Variants in PRH1 observed in about 807,000 individuals in gnomAD.
PRH1 encodes proline rich protein HaeIII subfamily 1.
A neutral mutation model predicts 7.9 loss-of-function variants in PRH1; 7 were observed. That is an observed-to-expected ratio of 0.89 (90% CI 0.50 to 1.67). The LOEUF is 1.67. Among genes scored for constraint, PRH1 ranks in the 40% most tolerant of loss-of-function variants. The pLI, the probability that PRH1 is intolerant of heterozygous loss-of-function variation, is 0.00. For synonymous variants in PRH1, 45 were observed against 80.8 expected (o/e 0.56, Z 2.38); for missense variants, 109 against 223.6 (o/e 0.49, Z 3.27).
At chr12:10,970,492 A>T (rs1223561057) in intron 2 of PRH1, among the ~76,000 whole-genome samples, 2 of 152,104 alleles carry the variant, frequency 1.3e-5, no homozygotes, top group African/African-American at 4.8e-5. Context: ...TCAAATTAAG[A>T]TTAGCATTAA....
At chr12:11,001,082 T>C (rs1940567253) in intron 1 of PRH1, among the ~76,000 whole-genome samples, 1 of 152,022 alleles carries the variant, frequency 6.6e-6, no homozygotes, top group Non-Finnish European at 1.5e-5. Flanking sequence ...GGTCACAAAA[T>C]AGAATAAAAG....
At chr12:10,930,137 C>CAG (rs761939341) in intron 2 of PRH1, 2 of 1,074,406 alleles carry the variant, frequency 1.9e-6, no homozygotes, top group Non-Finnish European at 1.4e-6. Context: ...CCGGTAGCAT[C>CAG]AGAGAGTGGC....
intron 2 of PRH1, among the ~76,000 whole-genome samples, chr12:10,971,578 T>A (rs957600575): frequency 6.6e-6 from 1 of 152,180 alleles, no homozygotes; most frequent in Non-Finnish European, 1.5e-5. Context: ...TGTGTGTGTA[T>A]ACATTTTCTG....
At chr12:10,904,358 C>T (rs1261478761) in intron 2 of PRH1, among the ~76,000 whole-genome samples, 1 of 151,962 alleles carries the variant, frequency 6.6e-6, no homozygotes, top group African/African-American at 2.4e-5. Flanking sequence ...GAATAGAGAA[C>T]CCAGAAATAA....
chr12:10,997,987 C>T, intron 1 of PRH1: 2 of 675,534 alleles, frequency 3.0e-6, no homozygotes, highest in South Asian at 2.6e-5. Context: ...TGTCCAATAA[C>T]ATTCTTTATA....
chr12:10,937,224 CTCTCTCTCTG>C (rs1412582078), intron 2 of PRH1, among the ~76,000 whole-genome samples: 1 of 151,104 alleles, frequency 6.6e-6, no homozygotes, highest in Non-Finnish European at 1.5e-5. Flanking sequence ...CTCTCTCTCT[CTCTCTCTCTG>C]TGTGTGTGTG....
At chr12:11,047,464 A>G (rs2708320), upstream of PRH1, among the ~76,000 whole-genome samples, 675 of 152,264 alleles carry the variant, frequency 4.4e-3, 6 homozygotes, top group African/African-American at 0.016. Flanking sequence ...TCAAGGGCTC[A>G]GAGGTGGCTA....
chr12:11,122,896 T>A (rs926385834), intron 1 of PRH1, among the ~76,000 whole-genome samples: 1 of 152,244 alleles, frequency 6.6e-6, no homozygotes, highest in Admixed American at 6.5e-5. Context: ...ACATGGAACA[T>A]TGCTAAGAGG....
rs544232732 is a variant in PRH1, at chr12:11,035,969, C to T, written c.-126+11051G>A. ...AGTGCAGTGGCGCGATCTCGGCTCACTGCAAGCTCTGTCCCCCGGGTTCAC... is the reference window on the plus strand; with the variant it reads ...AGTGCAGTGGCGCGATCTCGGCTCATTGCAAGCTCTGTCCCCCGGGTTCAC... On this transcript the variant is annotated intron_variant, in intron 1 of 3. Coordinates refer to the PRH1 transcript ENST00000539853. Among the ~76,000 whole-genome samples, 3 of 152,292 alleles carry T rather than the reference C, an allele frequency of 2.0e-5. No homozygotes were observed. The South Asian group carries it at 6.2e-4, about 32-fold the overall frequency.
intron 1 of PRH1, among the ~76,000 whole-genome samples, chr12:11,156,336 T>C (rs1162211448): frequency 6.6e-6 from 1 of 152,224 alleles, no homozygotes; most frequent in Non-Finnish European, 1.5e-5. Context: ...TATATGTTAA[T>C]TTGTTTTCAG....
chr12:11,146,001 C>T (rs1186366297), intron 1 of PRH1, among the ~76,000 whole-genome samples: 1 of 152,132 alleles, frequency 6.6e-6, no homozygotes, highest in East Asian at 1.9e-4. Context: ...TGTAGTTATA[C>T]ATGCATATCA....
chr12:11,134,327 C>T (rs1946484903), intron 1 of PRH1: 1 of 1,258,588 alleles, frequency 7.9e-7, no homozygotes, highest in African/African-American at 1.5e-5. Context: ...ACCTTAAATT[C>T]TATATGCACC....
intron 1 of PRH1, chr12:11,171,331 G>T: frequency 8.1e-7 from 1 of 1,227,384 alleles, no homozygotes; most frequent in Non-Finnish European, 1.0e-6. Flanking sequence ...CGCTACAGAC[G>T]CTGGGCGGGC....
At chr12:10,906,338 A>G (rs1323527076) in intron 2 of PRH1, among the ~76,000 whole-genome samples, 3 of 152,212 alleles carry the variant, frequency 2.0e-5, no homozygotes, top group Non-Finnish European at 4.4e-5. Context: ...GTTAAAAATA[A>G]TTTTCTTACA....
At chr12:11,121,876 G>A (rs890237620) in intron 1 of PRH1, among the ~76,000 whole-genome samples, 13 of 152,106 alleles carry the variant, frequency 8.5e-5, no homozygotes, top group African/African-American at 3.1e-4. Flanking sequence ...AACAATGATA[G>A]TTAAGTTCAT....
intron 2 of PRH1, among the ~76,000 whole-genome samples, chr12:10,928,221 G>T (rs983509373): frequency 6.6e-6 from 1 of 152,138 alleles, no homozygotes; most frequent in Non-Finnish European, 1.5e-5. Context: ...CTTTGTGAAA[G>T]AAAACTCTGA....
At position 11,168,276 on chromosome 12, in the gene PRH1, GAAAGAAAGAAAGAAAGAAAGAAA is replaced by G. The variant is rs1947668494; in HGVS notation, n.39+3123_39+3145del. Among the ~76,000 whole-genome samples, 55 of 32,452 alleles carry G rather than the reference GAAAGAAAGAAAGAAAGAAAGAAA, an allele frequency of 1.7e-3. 9 individuals are homozygous for G. The highest frequency in any genetic ancestry group is 3.1e-3 in the Non-Finnish European group (40 of 13,022). The allele number at this position is 32,452 out of a possible 152,430, so 21.3% of individuals were successfully genotyped here. On this transcript the variant is annotated intron_variant and non_coding_transcript_variant, in intron 1 of 1. Coordinates refer to the PRH1 transcript ENST00000541175. ...AGAAAGAAAGAAAGAAAGAAAGAAA[GAAAGAAAGAAAGAAAGAAAGAAA>G]GAAGGAAGGAAGGAAGGAAGGAAGG...
rs1008338511 is a variant in PRH1 at position 10,905,024 on chromosome 12, A to AC, written c.-58-20750_-58-20749insG. ...CTACTATCAAAAAGTTAAAAAAAAA[A>AC]AAACAGATGCTAGTGAAGCTGTGGA... On this transcript the variant is annotated intron_variant, in intron 2 of 3. Transcript: ENST00000539853. Among the ~76,000 whole-genome samples, 21 of 151,350 alleles carry AC rather than the reference A, an allele frequency of 1.4e-4. 1 individual carries two copies. Among genetic ancestry groups the AC allele is most frequent in the Admixed American group, 5.3e-4 (8 of 15,188 alleles).
intron 2 of PRH1, among the ~76,000 whole-genome samples, chr12:10,941,589 A>T (rs1950402712): frequency 6.6e-6 from 1 of 151,162 alleles, no homozygotes; most frequent in Non-Finnish European, 1.5e-5. Context: ...ATTATTTATT[A>T]TTAAAATTTA....
Sources: gnomAD v4.1 joint callset for allele counts (sites outside exome capture counted in the v4.1 genomes callset) on GRCh38, gnomAD v4.1.1 for gene constraint, MANE v1.5 for transcripts, NCBI Gene and HGNC (gene_info 2026-07-23, HGNC 2026-07-21) for gene names.